TNIP3: variants seen among roughly 807,000 people sequenced by gnomAD.
The protein encoded by TNIP3 is TNFAIP3 interacting protein 3.
TNIP3 carries 34 observed loss-of-function variants against 54.1 expected under a neutral mutation model. The ratio of observed to expected loss-of-function variants is 0.63; its 90% CI spans 0.48 to 0.84. The LOEUF (loss-of-function observed/expected upper bound fraction) is 0.84. Ranked by LOEUF, TNIP3 falls within the 40% of genes least tolerant of loss-of-function variation. The probability of loss-of-function intolerance (pLI) is 0.00; values close to 1 mark genes in which losing one functional copy is unlikely to be tolerated. For missense variants in TNIP3, 366 were observed against 387.6 expected, an observed-to-expected ratio of 0.94 and a Z score of 0.47; for synonymous variants, 134 against 136.8, an observed-to-expected ratio of 0.98 and a Z score of 0.14.
intron 3 of TNIP3, among the ~76,000 whole-genome samples, chr4:121,169,876 A>T (rs1196513390): frequency 6.6e-6 from 1 of 152,192 alleles, no homozygotes; most frequent in Non-Finnish European, 1.5e-5. Flanking sequence ...CGATATAGCG[A>T]GGTTGTTTGC....
chr4:121,146,018 T>C (rs1729411009), intron 7 of TNIP3, among the ~76,000 whole-genome samples: 1 of 151,238 alleles, frequency 6.6e-6, no homozygotes, highest in Non-Finnish European at 1.5e-5. Flanking sequence ...CAATATATAC[T>C]CTTTTTTTTT....
intron 10 of TNIP3, among the ~76,000 whole-genome samples, chr4:121,137,148 T>C (rs1407863875): frequency 6.6e-6 from 1 of 152,204 alleles, no homozygotes; most frequent in South Asian, 2.1e-4. Flanking sequence ...AATGACCTTA[T>C]GGTATTACTA....
chr4:121,197,315 G>A (rs536407056), intron 2 of TNIP3, among the ~76,000 whole-genome samples: 7 of 152,186 alleles, frequency 4.6e-5, no homozygotes, highest in African/African-American at 7.2e-5. Context: ...ATCACCTGAC[G>A]TCAGGAGTTC....
rs772019173 is a variant in TNIP3, at chr4:121,154,646, C to T, written c.397G>A (p.Glu133Lys). 2 of 1,611,364 alleles carry T rather than the reference C, an allele frequency of 1.2e-6. No homozygotes were observed. Among genetic ancestry groups the T allele is most frequent in the Non-Finnish European group, 1.7e-6 (2 of 1,179,288 alleles). ...AAAAGTTTATTCTCTTCTTTCAATT[C>T]ATGTAATTCTTCATTTAGGCGTTCC... is the stretch of plus-strand genomic sequence containing the variant. ...EKERLNEELH[E>K]LKEENKLLKG... Residue 133 changes from glutamate (E) to lysine (K), a missense_variant, in exon 5 of 11, where the codon GAA becomes AAA. Glu to Lys is a moderately conservative substitution (Grantham distance 56, BLOSUM62 1). Transcript: ENST00000057513.
upstream of TNIP3, among the ~76,000 whole-genome samples, chr4:121,220,645 T>C (rs189007957): frequency 6.6e-6 from 1 of 152,286 alleles, no homozygotes; most frequent in East Asian, 1.9e-4. Context: ...ACATTTTATT[T>C]AAATATATAA....
exon 2 of TNIP3, chr4:121,216,491 C>T (rs1560699044): frequency 6.5e-7 from 1 of 1,535,606 alleles, no homozygotes; most frequent in African/African-American, 1.4e-5. Context: ...ATGAGCCATC[C>T]ACATGGAATC....
chr4:121,200,046 A>G (rs1439456217), intron 2 of TNIP3, among the ~76,000 whole-genome samples: 1 of 152,222 alleles, frequency 6.6e-6, no homozygotes, highest in Non-Finnish European at 1.5e-5. Flanking sequence ...GGTCAGAGGC[A>G]GAGCCCTTAC....
At chr4:121,136,016 C>T (rs1728760097) in intron 10 of TNIP3, among the ~76,000 whole-genome samples, 2 of 152,176 alleles carry the variant, frequency 1.3e-5, no homozygotes, top group South Asian at 4.1e-4. Context: ...ATGATCAGCC[C>T]TCTTCTCTGC....
chr4:121,224,941 A>G (rs1051975890), intron 1 of TNIP3, among the ~76,000 whole-genome samples: 5 of 152,124 alleles, frequency 3.3e-5, no homozygotes, highest in Admixed American at 2.6e-4. Context: ...GTCAGCATAC[A>G]CTGTGTCCGA....
intron 2 of TNIP3, chr4:121,193,024 T>C (rs1369993579): frequency 6.6e-6 from 1 of 152,174 alleles, no homozygotes. Flanking sequence ...TCAGAAACAG[T>C]TCTCATTTTA....
At chr4:121,181,395 G>A (rs1294255618) in intron 3 of TNIP3, among the ~76,000 whole-genome samples, 1 of 152,172 alleles carries the variant, frequency 6.6e-6, no homozygotes, top group Admixed American at 6.5e-5. Flanking sequence ...GGGATGAGAA[G>A]AGCAGAAGAA....
At chr4:121,225,781 C>T (rs561318147) in intron 1 of TNIP3, among the ~76,000 whole-genome samples, 1 of 152,210 alleles carries the variant, frequency 6.6e-6, no homozygotes, top group African/African-American at 2.4e-5. Context: ...TACCTTGGCC[C>T]CCGACCTGGA....
intron 3 of TNIP3, among the ~76,000 whole-genome samples, chr4:121,173,119 C>CA (rs983673304): frequency 9.9e-5 from 15 of 152,132 alleles, no homozygotes; most frequent in African/African-American, 2.7e-4. Context: ...TTACTTCCCC[C>CA]AAAGAACCTT....
chr4:121,196,577 A>C (rs1481836216), intron 2 of TNIP3, among the ~76,000 whole-genome samples: 1 of 152,128 alleles, frequency 6.6e-6, no homozygotes, highest in Non-Finnish European at 1.5e-5. Context: ...ATGGAATTAC[A>C]AATTACCTGA....
chr4:121,200,036 G>C (rs576905501), intron 2 of TNIP3, among the ~76,000 whole-genome samples: 1 of 151,944 alleles, frequency 6.6e-6, no homozygotes, highest in African/African-American at 2.4e-5. Context: ...CAAAAACCAC[G>C]GTCAGAGGCA....
At chr4:121,135,345 C>A (rs1229648226) in intron 10 of TNIP3, among the ~76,000 whole-genome samples, 1 of 152,146 alleles carries the variant, frequency 6.6e-6, no homozygotes, top group African/African-American at 2.4e-5. Context: ...TTTAATCACT[C>A]ATTATCTGCC....
In TNIP3 at chr4:121,194,943, G is replaced by A. The variant is rs1002676039; in HGVS notation, c.69-12147C>T. Among the ~76,000 whole-genome samples, 11 of 152,036 alleles carry A rather than the reference G, an allele frequency of 7.2e-5. No homozygotes were observed. In the East Asian group the frequency reaches 7.7e-4, roughly 11 times the overall value. ...AGCACTCTGGGAAGCCAAGGTGGGC[G>A]GATCACCTGAGGTCAGGAGTTCGAG... On this transcript the variant is annotated intron_variant, in intron 2 of 12. Coordinates refer to the TNIP3 transcript ENST00000507879.
At chr4:121,159,836 C>T (rs1313395589) in intron 2 of TNIP3, among the ~76,000 whole-genome samples, 2 of 152,144 alleles carry the variant, frequency 1.3e-5, no homozygotes, top group African/African-American at 4.8e-5. Flanking sequence ...AAGAGAAATT[C>T]CAACGCTTAT....
At chr4:121,218,887 C>A (rs1485152359), upstream of TNIP3, among the ~76,000 whole-genome samples, 1 of 152,012 alleles carries the variant, frequency 6.6e-6, no homozygotes, top group Admixed American at 6.6e-5. Flanking sequence ...TTCTGAGAAC[C>A]AAAAGATTTA....
Sources: allele counts gnomAD v4.1 joint callset (sites outside exome capture counted in the v4.1 genomes callset), GRCh38; gene constraint gnomAD v4.1.1; transcripts MANE v1.5; gene names NCBI Gene and HGNC (gene_info 2026-07-23, HGNC 2026-07-21).